MAP6D1: variants seen among roughly 807,000 people sequenced by gnomAD.
The protein encoded by MAP6D1 is MAP6 domain containing 1.
MAP6D1 carries 13 observed loss-of-function variants against 17.4 expected under a neutral mutation model. That is an observed-to-expected ratio of 0.75 (90% CI 0.49 to 1.19). The LOEUF is 1.19. MAP6D1 is among the 50% of genes most tolerant of loss of function. The pLI is 0.00. For missense variants in MAP6D1, 313 were observed against 312.6 expected, an observed-to-expected ratio of 1.00 and a Z score of -0.01; for synonymous variants, 141 against 145.7, an observed-to-expected ratio of 0.97 and a Z score of 0.23.
rs1046646462 is a variant in MAP6D1, at chr3:183,825,038, G to A, written c.401+109C>T. The A allele has an allele frequency of 6.0e-6, 7 of 1,165,706 alleles. No homozygotes were observed. The African/African-American group carries it at 8.0e-5, about 13-fold the overall frequency. 72.2% of individuals were successfully genotyped at this position (1,165,706 alleles called of 1,614,324 possible). ...GCAGCTCCGAGGTCGCGTGGGATCC[G>A]GGCTCCAGGCGCCTCCGCTCTGCCG... is the stretch of plus-strand genomic sequence containing the variant. On this transcript the variant is annotated intron_variant, in intron 1 of 2. Transcript: ENST00000318631.
At chr3:183,819,613 T>A (rs1727199511) in intron 1 of MAP6D1, among the ~76,000 whole-genome samples, 1 of 152,182 alleles carries the variant, frequency 6.6e-6, no homozygotes, top group African/African-American at 2.4e-5. Flanking sequence ...GAAAACAGAC[T>A]CATGGCTCAG....
chr3:183,816,325 G>A lies in MAP6D1; in HGVS notation c.*1031C>T, dbSNP rs924656819. On this transcript the variant is annotated 3_prime_UTR_variant, in exon 3 of 3. Coordinates refer to ENST00000318631, the MANE Select transcript of MAP6D1 (RefSeq NM_024871.4). ...AGGGAAATCCACAAATTTCCTTACT[G>A]AAGACTGTCCTGAGCTTGTACCTCT... The A allele has an allele frequency of 3.9e-5, 6 of 152,272 alleles. No homozygotes were observed. The highest frequency in any genetic ancestry group is 7.3e-5 in the Non-Finnish European group (5 of 68,064). 9.4% of individuals were successfully genotyped at this position (152,272 alleles called of 1,614,324 possible).
intron 1 of MAP6D1, among the ~76,000 whole-genome samples, chr3:183,823,291 G>C (rs868137566): frequency 1.3e-5 from 2 of 152,086 alleles, no homozygotes; most frequent in African/African-American, 4.8e-5. Flanking sequence ...ACCATGCCTG[G>C]CTGGCTTAGC....
intron 1 of MAP6D1, among the ~76,000 whole-genome samples, chr3:183,821,053 CCACTG>C (rs1215089856): frequency 1.3e-5 from 2 of 151,558 alleles, no homozygotes; most frequent in Non-Finnish European, 1.5e-5. Context: ...CGAGATGGCG[CCACTG>C]CACTCCAGCC....
intron 2 of MAP6D1, 53 bp downstream of exon 2, chr3:183,817,941 C>A: frequency 1.4e-6 from 2 of 1,385,498 alleles, no homozygotes; most frequent in South Asian, 2.4e-5. Flanking sequence ...AATCCCTACC[C>A]GGGGAAAGAG....
At chr3:183,825,093 C>T in intron 1 of MAP6D1, 54 bp downstream of exon 1, 1 of 1,304,790 alleles carries the variant, frequency 7.7e-7, no homozygotes, top group Non-Finnish European at 9.8e-7. Context: ...TCCGGGCCTC[C>T]GCGTCCTCCC....
chr3:183,818,368 G>A (rs901839903), intron 1 of MAP6D1, among the ~76,000 whole-genome samples: 1 of 152,250 alleles, frequency 6.6e-6, no homozygotes, highest in Non-Finnish European at 1.5e-5. Context: ...GCTCACCCCG[G>A]TCCCTAAGGA....
intron 1 of MAP6D1, among the ~76,000 whole-genome samples, chr3:183,823,916 C>G (rs1467102275): frequency 6.6e-6 from 1 of 152,254 alleles, no homozygotes; most frequent in Non-Finnish European, 1.5e-5. Flanking sequence ...CTCTCCCTAA[C>G]GGTACCATCT....
At chr3:183,820,504 G>C (rs928737048) in intron 1 of MAP6D1, 4 of 152,228 alleles carry the variant, frequency 2.6e-5, no homozygotes, top group Non-Finnish European at 5.9e-5. Context: ...GTGGCTTAAC[G>C]CCTGTAATCT....
intron 1 of MAP6D1, among the ~76,000 whole-genome samples, 180 bp from the exon 2 acceptor site, chr3:183,818,291 C>A (rs981075424): frequency 2.0e-5 from 3 of 152,232 alleles, no homozygotes; most frequent in African/African-American, 4.8e-5. Context: ...CCCGTGCAGG[C>A]CCAGCTCCAG....
At chr3:183,821,332 C>T (rs1727250952) in intron 1 of MAP6D1, among the ~76,000 whole-genome samples, 1 of 152,184 alleles carries the variant, frequency 6.6e-6, no homozygotes, top group African/African-American at 2.4e-5. Flanking sequence ...CTCTGCCATT[C>T]AGAGCTGTGC....
intron 1 of MAP6D1, among the ~76,000 whole-genome samples, chr3:183,818,502 C>T (rs1727172868): frequency 6.6e-6 from 1 of 152,184 alleles, no homozygotes; most frequent in Admixed American, 6.5e-5. Flanking sequence ...TGGAGACGAG[C>T]AGCCCCGGTG....
intron 1 of MAP6D1, among the ~76,000 whole-genome samples, chr3:183,824,458 A>G (rs1002285306): frequency 6.6e-6 from 1 of 152,274 alleles, no homozygotes; most frequent in African/African-American, 2.4e-5. Flanking sequence ...ATATCAGTGC[A>G]TATGCACCAA....
Position 183,817,895 on chromosome 3 carries a change from C to T in MAP6D1, c.519+99G>A, listed in dbSNP as rs1727154080. The stretch of plus-strand genomic sequence containing the variant: ...TCTGGTTGGCACTGCTGTCCCTGGT[C>T]ATAATTGCATTTTACACCATGAAAA... On this transcript the variant is annotated intron_variant, in intron 2 of 2. Transcript: ENST00000318631. 3 of 943,762 alleles carry T rather than the reference C, an allele frequency of 3.2e-6. No individual in the cohort carries two copies. The South Asian group carries it at 4.5e-5, about 14-fold the overall frequency. 58.5% of individuals were successfully genotyped at this position (943,762 alleles called of 1,614,324 possible).
In MAP6D1 at chr3:183,825,414, C is replaced by T; in HGVS notation, c.134G>A (p.Gly45Asp). The T allele has an allele frequency of 1.4e-6, 2 of 1,439,396 alleles. No individual in the cohort carries two copies. The highest frequency in any genetic ancestry group is 1.8e-6 in the Non-Finnish European group (2 of 1,101,630). The allele number at this position is 1,439,396 out of a possible 1,614,324, so 89.2% of individuals were successfully genotyped here. A position where few individuals can be genotyped will look rare whatever the true frequency, so the allele number is the denominator to read the frequency against. ...AGGCTGGCCCCTGCGCGAGGCGGCG[C>T]CGCCCGTGCCCGGCTCCTCGCTGTC... ...DLDSEEPGTG[G>D]AASRRGQPPA... is the part of the protein sequence containing the mutation. The change falls in exon 1 of 3, where the codon GGC becomes GAC. Residue 45 changes from glycine to aspartate, a missense_variant. Coordinates refer to ENST00000318631, the MANE Select transcript of MAP6D1 (RefSeq NM_024871.4).
intron 1 of MAP6D1, among the ~76,000 whole-genome samples, chr3:183,819,819 G>A (rs1178537870): frequency 6.6e-6 from 1 of 152,258 alleles, no homozygotes; most frequent in Non-Finnish European, 1.5e-5. Flanking sequence ...ATGTGCCTGA[G>A]GCTGTTGTGA....
At chr3:183,820,972 G>A (rs1727239946) in intron 1 of MAP6D1, among the ~76,000 whole-genome samples, 1 of 151,706 alleles carries the variant, frequency 6.6e-6, no homozygotes, top group South Asian at 2.1e-4. Context: ...GTGGGCGCCT[G>A]TAGTCCCAGC....
intron 1 of MAP6D1, among the ~76,000 whole-genome samples, chr3:183,823,714 G>C (rs1054809591): frequency 1.3e-5 from 2 of 152,172 alleles, no homozygotes; most frequent in Admixed American, 6.5e-5. Context: ...GCTGGAACCA[G>C]GGAGGCAGAC....
rs1459313216 is a variant in MAP6D1 at position 183,817,059 on chromosome 3, A to C, written c.*297T>G. On this transcript the variant is annotated 3_prime_UTR_variant, in exon 3 of 3. Coordinates refer to ENST00000318631, the MANE Select transcript of MAP6D1 (RefSeq NM_024871.4). ...CATGGACCAATTCGGTTCCCAACTGACTTGATCCTCAGGCTCCTCAGAGAT... is the reference window on the plus strand; with the variant it reads ...CATGGACCAATTCGGTTCCCAACTGCCTTGATCCTCAGGCTCCTCAGAGAT... The C allele has an allele frequency of 9.5e-6, 4 of 421,058 alleles. No homozygotes were observed. The highest frequency in any genetic ancestry group is 8.2e-5 in the African/African-American group (4 of 48,936). 26.1% of individuals were successfully genotyped at this position (421,058 alleles called of 1,614,324 possible).
Sources: allele counts gnomAD v4.1 joint callset (sites outside exome capture counted in the v4.1 genomes callset), GRCh38; gene constraint gnomAD v4.1.1; transcripts MANE v1.5; gene names NCBI Gene and HGNC (gene_info 2026-07-23, HGNC 2026-07-21).